MPZL1: variants seen among roughly 807,000 people sequenced by gnomAD.
MPZL1 encodes the protein myelin protein zero-like protein 1.
MPZL1 carries 16 observed loss-of-function variants against 29.3 expected under a neutral mutation model. The observed-to-expected ratio is 0.55, with a 90% CI of 0.37 to 0.83. The LOEUF (loss-of-function observed/expected upper bound fraction) is 0.83. Ranked by LOEUF, MPZL1 falls within the 40% of genes least tolerant of loss-of-function variation. The probability of loss-of-function intolerance (pLI) is 0.00; values close to 1 mark genes in which losing one functional copy is unlikely to be tolerated. For missense variants in MPZL1, 279 were observed against 332.9 expected (o/e 0.84, Z 1.26); for synonymous variants, 143 against 132.0 (o/e 1.08, Z -0.57).
At chr1:167,726,273 G>A (rs111311181) in intron 1 of MPZL1, among the ~76,000 whole-genome samples, 1 of 152,184 alleles carries the variant, frequency 6.6e-6, no homozygotes, top group Non-Finnish European at 1.5e-5. Context: ...TCTTTAGAGA[G>A]GCCTCTCTGA....
At chr1:167,737,559 G>A (rs531264794) in intron 1 of MPZL1, among the ~76,000 whole-genome samples, 2 of 152,194 alleles carry the variant, frequency 1.3e-5, no homozygotes, top group Non-Finnish European at 2.9e-5. Flanking sequence ...TTCTCTCCCT[G>A]TGCTGAGATA....
In MPZL1 at chr1:167,791,563, C is replaced by T. The variant is rs191445959; in HGVS notation, c.*3642C>T. The T allele has an allele frequency of 8.5e-5, 13 of 152,376 alleles. No individual in the cohort carries two copies. Among genetic ancestry groups the T allele is most frequent in the African/African-American group, 2.4e-4 (10 of 41,574 alleles). 9.4% of individuals were successfully genotyped at this position (152,376 alleles called of 1,614,324 possible). A position where few individuals can be genotyped will look rare whatever the true frequency, so the allele number is the denominator to read the frequency against. ...TCCCATTGTTTGAAAGATTATATGG[C>T]TTACCCAGGGCCACTTAGCTAATAA... On this transcript the variant is annotated 3_prime_UTR_variant, in exon 6 of 6. Transcript: ENST00000359523.
At chr1:167,741,339 T>G (rs1328924169) in intron 1 of MPZL1, among the ~76,000 whole-genome samples, 16 of 150,178 alleles carry the variant, frequency 1.1e-4, no homozygotes, top group Admixed American at 1.1e-3. Context: ...ACTTTTTTTT[T>G]TTTTTTTTCC....
In MPZL1 at chr1:167,787,903, G is replaced by T. The variant is rs200004895; in HGVS notation, c.792G>T (p.Ala264=). The change falls in exon 6 of 6, where the codon GCG becomes GCT. Residue 264 remains alanine (A), a synonymous_variant. Transcript: ENST00000359523. ...KINKSESVVY[A]DIRKN is the part of the protein sequence containing the mutation. ...ACAAGTCAGAGTCTGTGGTGTATGCGGATATCCGAAAGAATTAAGAGAATA... is the reference window on the plus strand; with the variant it reads ...ACAAGTCAGAGTCTGTGGTGTATGCTGATATCCGAAAGAATTAAGAGAATA... 7 of 1,611,686 alleles carry T rather than the reference G, an allele frequency of 4.3e-6. No homozygotes were observed. Among genetic ancestry groups the T allele is most frequent in the Non-Finnish European group, 5.9e-6 (7 of 1,177,950 alleles).
chr1:167,771,928 AG>A (rs1229639497), intron 2 of MPZL1, among the ~76,000 whole-genome samples: 1 of 152,196 alleles, frequency 6.6e-6, no homozygotes, highest in Non-Finnish European at 1.5e-5. Context: ...GCTGGAGGCC[AG>A]CCCGGTCAAC....
intron 1 of MPZL1, among the ~76,000 whole-genome samples, chr1:167,723,986 A>G (rs1034671135): frequency 6.6e-6 from 1 of 152,268 alleles, no homozygotes; most frequent in East Asian, 1.9e-4. Context: ...GTTAGGTCTC[A>G]CTGTGTTGCC....
intron 1 of MPZL1, among the ~76,000 whole-genome samples, chr1:167,728,841 CTT>C (rs1264468003): frequency 6.6e-6 from 1 of 152,158 alleles, no homozygotes; most frequent in Non-Finnish European, 1.5e-5. Flanking sequence ...AAATCTATGA[CTT>C]AAGTTTTGTT....
At chr1:167,785,253 C>T (rs1661569039) in intron 5 of MPZL1, among the ~76,000 whole-genome samples, 2 of 152,210 alleles carry the variant, frequency 1.3e-5, no homozygotes, top group Admixed American at 1.3e-4. Context: ...CTACAGTGGT[C>T]TCACTTACAG....
intron 1 of MPZL1, among the ~76,000 whole-genome samples, chr1:167,729,101 T>C (rs575821166): frequency 6.6e-6 from 1 of 151,722 alleles, no homozygotes. Flanking sequence ...CCCCCATCTT[T>C]ACTGAAAATA....
rs979118953 is a variant in MPZL1 at position 167,773,355 on chromosome 1, C to T, written c.592C>T (p.Arg198Trp). The change falls in exon 4 of 6, where the codon CGG becomes TGG. Residue 198 changes from arginine to tryptophan, a missense_variant. By Grantham distance (101) the Arg-to-Trp change is moderately radical. Transcript: ENST00000359523. ...CCTCTATAGAAGGAAAAACTCTAAA[C>T]GGGATTACACTGGGTAAGAAACACT... is the stretch of plus-strand genomic sequence containing the variant. ...AVLYRRKNSK[R>W]DYTGCSTSES... 4 of 1,613,310 alleles carry T rather than the reference C, an allele frequency of 2.5e-6. No homozygotes were observed. The highest frequency in any genetic ancestry group is 2.5e-6 in the Non-Finnish European group (3 of 1,179,728).
intron 1 of MPZL1, among the ~76,000 whole-genome samples, chr1:167,722,512 G>T (rs752833035): frequency 6.6e-6 from 1 of 151,286 alleles, no homozygotes; most frequent in Admixed American, 6.6e-5. Flanking sequence ...GCTCCTTCCC[G>T]GGGGGCGGTC....
intron 5 of MPZL1, 121 bp downstream of exon 5, chr1:167,776,287 G>A (rs1295316185): frequency 3.1e-5 from 19 of 606,608 alleles, no homozygotes. Flanking sequence ...CAGACAGACA[G>A]AGACAAAGAG....
chr1:167,765,321 T>TA (rs34061385), intron 1 of MPZL1: 262 of 192,670 alleles, frequency 1.4e-3, no homozygotes, highest in Middle Eastern at 3.6e-3. Context: ...TCTATTAGTT[T>TA]AAAAAAAAAA....
intron 5 of MPZL1, among the ~76,000 whole-genome samples, chr1:167,786,727 A>G (rs1661601228): frequency 6.6e-6 from 1 of 152,178 alleles, no homozygotes; most frequent in Non-Finnish European, 1.5e-5. Context: ...GGGCTCCTGG[A>G]TGAGGGTAAG....
chr1:167,731,182 C>T (rs1480529657), intron 1 of MPZL1, among the ~76,000 whole-genome samples: 1 of 152,094 alleles, frequency 6.6e-6, no homozygotes. Flanking sequence ...CGCCTGTAAT[C>T]CCAGCACTTT....
chr1:167,739,282 C>CATATATATATATATAT lies in MPZL1; in HGVS notation c.91+17052_91+17067dup, dbSNP rs71959233. 2.3e-3 allele frequency among the ~76,000 whole-genome samples: 212 copies of CATATATATATATATAT among 90,320 alleles called. 1 individual carries two copies. Among genetic ancestry groups the CATATATATATATATAT allele is most frequent in the African/African-American group, 6.8e-3 (108 of 15,804 alleles). 59.3% of individuals were successfully genotyped at this position (90,320 alleles called of 152,430 possible). ...ATACACATACATATATACATATATA[C>CATATATATATATATAT]ATATATATATATATATATATATATA... On this transcript the variant is annotated intron_variant, in intron 1 of 5. Transcript: ENST00000359523.
intron 1 of MPZL1, among the ~76,000 whole-genome samples, chr1:167,740,350 G>A (rs1660490725): frequency 6.6e-6 from 1 of 152,102 alleles, no homozygotes; most frequent in Non-Finnish European, 1.5e-5. Context: ...CCATCCCACA[G>A]CTGCCTCTGC....
intron 1 of MPZL1, among the ~76,000 whole-genome samples, chr1:167,751,403 C>T (rs554533238): frequency 6.6e-5 from 10 of 152,304 alleles, no homozygotes; most frequent in African/African-American, 2.4e-4. Context: ...GGCGCGGTGG[C>T]TCACGTCTGT....
chr1:167,766,861 A>G (rs192320349), intron 2 of MPZL1, among the ~76,000 whole-genome samples: 6 of 152,344 alleles, frequency 3.9e-5, no homozygotes, highest in African/African-American at 1.2e-4. Context: ...TTTCTCTCTC[A>G]GGTAGAAAAA....
Sources: allele counts gnomAD v4.1 joint callset (sites outside exome capture counted in the v4.1 genomes callset), GRCh38; gene constraint gnomAD v4.1.1; transcripts MANE v1.5; gene names NCBI Gene and HGNC (gene_info 2026-07-23, HGNC 2026-07-21).